Variants in PIP5K1B observed in about 807,000 individuals in gnomAD.
The protein encoded by PIP5K1B is phosphatidylinositol-4-phosphate 5-kinase type 1 beta.
A neutral mutation model predicts 67.0 loss-of-function variants in PIP5K1B; 42 were observed. The ratio of observed to expected loss-of-function variants is 0.63; its 90% confidence interval spans 0.49 to 0.81. The LOEUF (loss-of-function observed/expected upper bound fraction) is 0.81. Ranked by LOEUF, PIP5K1B falls within the 30% of genes least tolerant of loss-of-function variation. The pLI is 0.00. For synonymous variants in PIP5K1B, 214 were observed against 231.4 expected (o/e 0.92, Z 0.68); for missense variants, 459 against 646.3 (o/e 0.71, Z 3.14).
intron 4 of PIP5K1B, among the ~76,000 whole-genome samples, chr9:68,845,096 G>T (rs779750947): frequency 6.6e-6 from 1 of 152,076 alleles, no homozygotes; most frequent in Non-Finnish European, 1.5e-5. Context: ...AGAAATTTTG[G>T]CAATTCTCTA....
At chr9:68,747,704 GT>G (rs1001883630) in intron 2 of PIP5K1B, among the ~76,000 whole-genome samples, 3 of 151,774 alleles carry the variant, frequency 2.0e-5, no homozygotes, top group African/African-American at 7.3e-5. Context: ...TAGATTTGCT[GT>G]TTTTTTTACA....
intron 2 of PIP5K1B, among the ~76,000 whole-genome samples, chr9:68,754,392 A>G (rs529986515): frequency 6.6e-4 from 99 of 150,488 alleles, no homozygotes; most frequent in African/African-American, 2.2e-3. Flanking sequence ...GATGGTCTCA[A>G]TCTCCCGACC....
At chr9:68,780,685 C>T (rs1831214015) in intron 2 of PIP5K1B, 15 of 1,614,242 alleles carry the variant, frequency 9.3e-6, no homozygotes, top group African/African-American at 1.3e-5. Flanking sequence ...CCTCCAAGCC[C>T]TATTCCCAGC....
Position 68,992,076 on chromosome 9 carries a change from C to T in PIP5K1B, c.1620+819C>T, listed in dbSNP as rs924625523. 3.9e-5 allele frequency among the ~76,000 whole-genome samples: 6 copies of T among 152,258 alleles called. No homozygotes were observed. In the South Asian group the frequency reaches 1.0e-3, roughly 26 times the overall value. ...CGCCTCCCAGGTTCAAGCAATTCTC[C>T]TGCCTCAGCCTCCCTAGTAGCTGGG... On this transcript the variant is annotated intron_variant, in intron 15 of 15. Coordinates refer to ENST00000265382, the MANE Select transcript of PIP5K1B (RefSeq NM_003558.4).
In PIP5K1B at chr9:68,940,543, T is replaced by C; in HGVS notation, c.1358-103T>C. The C allele has an allele frequency of 3.7e-6, 4 of 1,094,512 alleles. No homozygotes were observed. The South Asian group carries it at 7.5e-5, about 20-fold the overall frequency. The allele number at this position is 1,094,512 out of a possible 1,614,324, so 67.8% of individuals were successfully genotyped here. On this transcript the variant is annotated intron_variant, in intron 13 of 15. Transcript: ENST00000265382. ...TTAATTCATAATTGAATTTGCAGCC[T>C]GATAGGTAAAATGAATGCTTTTGAC...
intron 15 of PIP5K1B, among the ~76,000 whole-genome samples, chr9:69,001,062 C>G (rs2133023251): frequency 6.6e-6 from 1 of 152,058 alleles, no homozygotes; most frequent in South Asian, 2.1e-4. Context: ...CCACACCCGG[C>G]TAATTTTTAT....
intron 2 of PIP5K1B, among the ~76,000 whole-genome samples, chr9:68,796,390 T>C (rs1832296747): frequency 6.6e-6 from 1 of 152,220 alleles, no homozygotes; most frequent in African/African-American, 2.4e-5. Context: ...TTCTTAGACT[T>C]GCCAATATAA....
At chr9:68,788,818 C>T (rs1831785607) in intron 2 of PIP5K1B, 1 of 242,630 alleles carries the variant, frequency 4.1e-6, no homozygotes, top group African/African-American at 2.3e-5. Flanking sequence ...GAACTACTGT[C>T]TCAGAAACTG....
intron 15 of PIP5K1B, among the ~76,000 whole-genome samples, chr9:68,993,569 A>G (rs1830473909): frequency 6.6e-6 from 1 of 152,222 alleles, no homozygotes; most frequent in Non-Finnish European, 1.5e-5. Flanking sequence ...CTTTAAAAAA[A>G]ATAAGATTGT....
chr9:68,964,478 G>A (rs1405820489), intron 14 of PIP5K1B, among the ~76,000 whole-genome samples: 1 of 152,154 alleles, frequency 6.6e-6, no homozygotes, highest in Non-Finnish European at 1.5e-5. Context: ...GCTGTGAAGG[G>A]TACTCTCCTG....
intron 1 of PIP5K1B, among the ~76,000 whole-genome samples, chr9:68,708,548 C>CCCG (rs56362619): frequency 6.7e-6 from 1 of 148,230 alleles, no homozygotes; most frequent in African/African-American, 2.5e-5. Flanking sequence ...GCCGCCCCCC[C>CCCG]GCCCCTTTAG....
intron 2 of PIP5K1B, among the ~76,000 whole-genome samples, chr9:68,778,494 A>G (rs1262404351): frequency 1.3e-5 from 2 of 152,184 alleles, no homozygotes; most frequent in Non-Finnish European, 2.9e-5. Flanking sequence ...TATTTCTTTC[A>G]CAATCTAAAT....
At chr9:68,725,239 G>T (rs1368529969) in intron 1 of PIP5K1B, among the ~76,000 whole-genome samples, 1 of 152,156 alleles carries the variant, frequency 6.6e-6, no homozygotes, top group Non-Finnish European at 1.5e-5. Context: ...TGCAGTGAGA[G>T]CCCTTATCCA....
intron 5 of PIP5K1B, among the ~76,000 whole-genome samples, chr9:68,869,523 A>T (rs2039625): frequency 0.92 from 139,789 of 152,296 alleles, 64,377 homozygotes; most frequent in Non-Finnish European, 0.95. Flanking sequence ...AGGCCCCGCT[A>T]ACTGCCCGTT....
chr9:68,906,991 C>T (rs1040847502), intron 8 of PIP5K1B, among the ~76,000 whole-genome samples: 3 of 152,172 alleles, frequency 2.0e-5, no homozygotes, highest in Non-Finnish European at 4.4e-5. Flanking sequence ...AGCAGTGATT[C>T]CAGATTGCAG....
rs540161157 is a variant in PIP5K1B at position 68,831,755 on chromosome 9, A to T, written c.69+9072A>T. On this transcript the variant is annotated intron_variant, in intron 4 of 15. Coordinates refer to ENST00000265382, the MANE Select transcript of PIP5K1B (RefSeq NM_003558.4). ...CAGTGGTGTGATCTCAGCTCACTGC[A>T]ACCTCCGCTGCCCGGGTTCAAGCCA... 5.3e-5 allele frequency among the ~76,000 whole-genome samples: 8 copies of T among 152,038 alleles called. No homozygotes were observed. The South Asian group carries it at 1.5e-3, about 28-fold the overall frequency.
chr9:68,760,917 AAC>A (rs954446754), intron 2 of PIP5K1B, among the ~76,000 whole-genome samples: 64 of 152,202 alleles, frequency 4.2e-4, no homozygotes, highest in African/African-American at 1.5e-3. Flanking sequence ...ACCTCATAAA[AAC>A]ACATACATAT....
intron 6 of PIP5K1B, among the ~76,000 whole-genome samples, chr9:68,883,237 C>T (rs1824288575): frequency 6.6e-6 from 1 of 152,198 alleles, no homozygotes. Flanking sequence ...CGCTCTTCCA[C>T]AAGGACACTT....
chr9:68,722,360 G>A (rs972257438), intron 1 of PIP5K1B, among the ~76,000 whole-genome samples: 7 of 151,912 alleles, frequency 4.6e-5, no homozygotes, highest in South Asian at 2.1e-4. Context: ...GCCTGCCTCC[G>A]CGCCAGGCTA....
Sources: gnomAD v4.1 joint callset for allele counts (sites outside exome capture counted in the v4.1 genomes callset) on GRCh38, gnomAD v4.1.1 for gene constraint, MANE v1.5 for transcripts, NCBI Gene and HGNC (gene_info 2026-07-23, HGNC 2026-07-21) for gene names.